The following ARHGEF7 variants were observed in gnomAD, a reference collection of about 807,000 sequenced individuals.
ARHGEF7 encodes the protein Rho guanine nucleotide exchange factor 7.
Under a neutral mutation model 109.8 loss-of-function variants are expected in ARHGEF7, and 33 were observed. That is an observed-to-expected ratio of 0.30 (90% CI 0.23 to 0.40). The LOEUF (loss-of-function observed/expected upper bound fraction) is 0.40, where lower values mean the gene tolerates loss of function less well. Among genes scored for constraint, ARHGEF7 ranks in the 10% least tolerant of loss-of-function variants. The probability of loss-of-function intolerance (pLI) is 1.00; values close to 1 mark genes in which losing one functional copy is unlikely to be tolerated. For synonymous variants in ARHGEF7, 458 were observed against 424.6 expected, an observed-to-expected ratio of 1.08 and a Z score of -0.97; for missense variants, 938 against 1,098.5, an observed-to-expected ratio of 0.85 and a Z score of 2.07.
chr13:111,185,961 C>CGTGTGTGTGTGTGTGTGTGTGTGTGT, intron 2 of ARHGEF7, among the ~76,000 whole-genome samples: 2 of 135,872 alleles, frequency 1.5e-5, no homozygotes, highest in South Asian at 5.3e-4. Flanking sequence ...TTTGGGAGCT[C>CGTGTGTGTGTGTGTGTGTGTGTGTGT]GTGTGTGTGT....
At chr13:111,187,753 G>A (rs866695710) in intron 2 of ARHGEF7, among the ~76,000 whole-genome samples, 1 of 152,180 alleles carries the variant, frequency 6.6e-6, no homozygotes, top group South Asian at 2.1e-4. Context: ...ATCAGTAGGG[G>A]AGCCTTTCGA....
intron 6 of ARHGEF7, among the ~76,000 whole-genome samples, chr13:111,233,661 C>A (rs893876392): frequency 2.0e-5 from 3 of 152,168 alleles, no homozygotes; most frequent in African/African-American, 4.8e-5. Context: ...TCAGAGTAGA[C>A]TGTAAGTACT....
At chr13:111,265,637 T>C in intron 8 of ARHGEF7, 1 of 456,598 alleles carries the variant, frequency 2.2e-6, no homozygotes, top group South Asian at 1.5e-5. Context: ...GGAGCCAGAG[T>C]GTGCTGTGGT....
intron 2 of ARHGEF7, chr13:111,159,010 C>T: frequency 1.4e-6 from 1 of 718,378 alleles, no homozygotes; most frequent in South Asian, 1.5e-5. Context: ...ACTAACATCT[C>T]CCCTTTCCCT....
chr13:111,259,237 A>G (rs1041228353), intron 8 of ARHGEF7, among the ~76,000 whole-genome samples: 15 of 152,150 alleles, frequency 9.9e-5, no homozygotes, highest in African/African-American at 3.1e-4. Flanking sequence ...TTGAGCAAAC[A>G]TAGGCAGTAG....
chr13:111,218,173 T>C (rs2083371533), intron 5 of ARHGEF7, among the ~76,000 whole-genome samples: 1 of 152,130 alleles, frequency 6.6e-6, no homozygotes. Context: ...TTGATCTTTT[T>C]TTTTTTTTTT....
chr13:111,126,245 C>T (rs1487648283), intron 1 of ARHGEF7, among the ~76,000 whole-genome samples: 1 of 152,234 alleles, frequency 6.6e-6, no homozygotes, highest in Non-Finnish European at 1.5e-5. Flanking sequence ...AATCCTAGCA[C>T]TTTGGGAGGC....
At chr13:111,280,409 G>A (rs368285412) in intron 14 of ARHGEF7, 59 bp downstream of exon 14, 134 of 1,589,000 alleles carry the variant, frequency 8.4e-5, no homozygotes, top group Admixed American at 1.7e-4. Context: ...GCTTGTCCCC[G>A]CGTGCAGATT....
intron 2 of ARHGEF7, among the ~76,000 whole-genome samples, chr13:111,192,134 G>A (rs1364184329): frequency 6.6e-6 from 1 of 152,316 alleles, no homozygotes; most frequent in Non-Finnish European, 1.5e-5. Flanking sequence ...GTTCGCAGGT[G>A]TATCAAGGCT....
chr13:111,227,642 C>T (rs1356164860), intron 5 of ARHGEF7, among the ~76,000 whole-genome samples: 3 of 152,206 alleles, frequency 2.0e-5, no homozygotes, highest in Non-Finnish European at 4.4e-5. Context: ...TGGTCTGAAA[C>T]CAAGCCCTCA....
intron 1 of ARHGEF7, among the ~76,000 whole-genome samples, chr13:111,121,596 G>T (rs758264933): frequency 6.6e-6 from 1 of 150,474 alleles, no homozygotes; most frequent in Non-Finnish European, 1.5e-5. Context: ...TGACGCCCAC[G>T]CGTCTCTCAC....
rs772645844 is a variant in ARHGEF7 at position 111,217,925 on chromosome 13, A to C, written c.670+45A>C. 7 of 1,545,906 alleles carry C rather than the reference A, an allele frequency of 4.5e-6. No individual in the cohort carries two copies. In the East Asian group the frequency reaches 1.6e-4, roughly 36 times the overall value. ...CTGTGTGTGGCTTTTTGCGATGAGC[A>C]GAAAGAAGTAAATGTACTTGACATA... is the stretch of plus-strand genomic sequence containing the variant. On this transcript the variant is annotated intron_variant, in intron 5 of 21. Transcript: ENST00000646102.
chr13:111,197,635 A>G lies in ARHGEF7; in HGVS notation c.253-7654A>G, dbSNP rs143410742. ...ATGCCTTTTGTCCTCACTTATATGA[A>G]TAGGAAGGATACAATTTCTGAGGCT... On this transcript the variant is annotated intron_variant, in intron 2 of 21. Coordinates refer to ENST00000646102, the MANE Select transcript of ARHGEF7 (RefSeq NM_001354046.2). Among the ~76,000 whole-genome samples, 3 of 152,290 alleles carry G rather than the reference A, an allele frequency of 2.0e-5. No homozygotes were observed. In the East Asian group the frequency reaches 5.8e-4, roughly 29 times the overall value.
chr13:111,226,418 C>G (rs1400472133), intron 5 of ARHGEF7, among the ~76,000 whole-genome samples: 13 of 152,212 alleles, frequency 8.5e-5, no homozygotes, highest in Admixed American at 7.9e-4. Flanking sequence ...TAGCTGGTGA[C>G]TGAGTTGAAG....
intron 8 of ARHGEF7, among the ~76,000 whole-genome samples, chr13:111,263,637 C>G (rs2091326978): frequency 6.6e-6 from 1 of 152,202 alleles, no homozygotes; most frequent in African/African-American, 2.4e-5. Flanking sequence ...TGTGCGTATA[C>G]CTTTGGCATT....
chr13:111,209,918 C>T lies in ARHGEF7; in HGVS notation c.384C>T (p.His128=). The change falls in exon 4 of 22, where the codon CAC becomes CAT. Residue 128 remains histidine (H), a synonymous_variant. Coordinates refer to ENST00000646102, the MANE Select transcript of ARHGEF7 (RefSeq NM_001354046.2). ...CCGTGTGTGCCCGGCCCTCGTCTCACCGCATAAAGTCTTTTGACTCCCTTG... is the reference window on the plus strand; with the variant it reads ...CCGTGTGTGCCCGGCCCTCGTCTCATCGCATAAAGTCTTTTGACTCCCTTG... The part of the protein sequence containing the change: ...SDSVCARPSS[H]RIKSFDSLGS... The T allele has an allele frequency of 6.2e-7, 1 of 1,614,222 alleles. No individual in the cohort carries two copies. The highest frequency in any genetic ancestry group is 8.5e-7 in the Non-Finnish European group (1 of 1,180,048).
chr13:111,216,487 C>T (rs1436529535), intron 4 of ARHGEF7, among the ~76,000 whole-genome samples: 1 of 151,822 alleles, frequency 6.6e-6, no homozygotes, highest in Non-Finnish European at 1.5e-5. Flanking sequence ...GCTGATGTCG[C>T]TGGTGGGGAT....
At chr13:111,174,983 C>T (rs745540876) in intron 2 of ARHGEF7, among the ~76,000 whole-genome samples, 5 of 152,194 alleles carry the variant, frequency 3.3e-5, no homozygotes, top group African/African-American at 7.2e-5. Flanking sequence ...CCTCCTCAAC[C>T]GTCCTCCTGT....
intron 3 of ARHGEF7, among the ~76,000 whole-genome samples, chr13:111,206,200 G>A (rs868619564): frequency 8.8e-4 from 134 of 151,710 alleles, no homozygotes; most frequent in African/African-American, 3.1e-3. Context: ...TGATTTTGTC[G>A]GGGTCGCTTC....
Sources: allele counts gnomAD v4.1 joint callset (sites outside exome capture counted in the v4.1 genomes callset), GRCh38; gene constraint gnomAD v4.1.1; transcripts MANE v1.5; gene names NCBI Gene and HGNC (gene_info 2026-07-23, HGNC 2026-07-21).